SAMD8: variants seen among roughly 807,000 people sequenced by gnomAD.
The protein encoded by SAMD8 is sterile alpha motif domain containing 8, also known as sphingomyelin synthase-related protein 1.
In SAMD8, 20 loss-of-function variants were observed where a neutral mutation model predicts 42.0. The ratio of observed to expected loss-of-function variants is 0.48; its 90% CI spans 0.34 to 0.69. SAMD8 has a LOEUF of 0.69. Ranked by LOEUF, SAMD8 falls within the 30% of genes least tolerant of loss-of-function variation. The pLI, the probability that SAMD8 is intolerant of heterozygous loss-of-function variation, is 0.01. For synonymous variants in SAMD8, 162 were observed against 173.0 expected (o/e 0.94, Z 0.50); for missense variants, 328 against 511.6 (o/e 0.64, Z 3.46).
intron 1 of SAMD8, among the ~76,000 whole-genome samples, chr10:75,104,531 G>T (rs1297072545): frequency 1.3e-5 from 2 of 152,192 alleles, no homozygotes; most frequent in Non-Finnish European, 2.9e-5. Flanking sequence ...GGCTGAGGGA[G>T]AAGGGTGACT....
intron 1 of SAMD8, among the ~76,000 whole-genome samples, chr10:75,102,852 T>C (rs1481866356): frequency 1.3e-5 from 2 of 152,130 alleles, no homozygotes; most frequent in African/African-American, 2.4e-5. Context: ...CTCGGGAGCC[T>C]GAGGCAGGAG....
At chr10:75,172,999 A>G (rs867521180) in intron 4 of SAMD8, among the ~76,000 whole-genome samples, 15 of 152,322 alleles carry the variant, frequency 9.8e-5, no homozygotes, top group African/African-American at 3.1e-4. Flanking sequence ...TTCCATAGCT[A>G]AGGGATTTAA....
chr10:75,131,592 C>T (rs1849274838), intron 1 of SAMD8, among the ~76,000 whole-genome samples: 1 of 151,922 alleles, frequency 6.6e-6, no homozygotes, highest in South Asian at 2.1e-4. Context: ...AATAACTGAT[C>T]AAATTTATCT....
At chr10:75,148,824 A>G (rs941532609) in intron 1 of SAMD8, among the ~76,000 whole-genome samples, 2 of 152,178 alleles carry the variant, frequency 1.3e-5, no homozygotes, top group African/African-American at 4.8e-5. Context: ...AAGGATATTC[A>G]TTTGTATTGA....
Position 75,176,815 on chromosome 10 carries a change from C to G in SAMD8, c.*123C>G, listed in dbSNP as rs1701714725. 7.3e-6 allele frequency: 5 copies of G among 683,248 alleles called. No homozygotes were observed. The highest frequency in any genetic ancestry group is 4.8e-6 in the Non-Finnish European group (2 of 415,284). The allele number at this position is 683,248 out of a possible 1,614,324, so 42.3% of individuals were successfully genotyped here. A position where few individuals can be genotyped will look rare whatever the true frequency, so the allele number is the denominator to read the frequency against. ...TTATGTGTTGACAAAGTAAAGTTTT[C>G]TGTTCTGAGCAAAGTTATGATTATA... On this transcript the variant is annotated 3_prime_UTR_variant, in exon 6 of 6. Transcript: ENST00000542569. This position sits in a 1 kb window ranked among gnomAD's most constrained non-coding sequence, Gnocchi z 4.3.
At chr10:75,146,513 C>T (rs1381411368) in intron 1 of SAMD8, among the ~76,000 whole-genome samples, 1 of 151,886 alleles carries the variant, frequency 6.6e-6, no homozygotes, top group Non-Finnish European at 1.5e-5. Flanking sequence ...CTCAAACTCC[C>T]AACCTCAGGT....
chr10:75,122,615 A>G (rs1048914334), intron 1 of SAMD8, among the ~76,000 whole-genome samples: 44 of 149,950 alleles, frequency 2.9e-4, no homozygotes, highest in African/African-American at 1.0e-3. Context: ...TCTGTCTCAA[A>G]AAAAAAAAAA....
Position 75,176,330 on chromosome 10 carries a change from GA to G in SAMD8, c.944-57del. ...CAAAACAGCCTGACCTGAGAAACGTGACTGAGAAGCATTGGAAGGAATGTAG... is the reference window on the plus strand; with the variant it reads ...CAAAACAGCCTGACCTGAGAAACGTGCTGAGAAGCATTGGAAGGAATGTAG... On this transcript the variant is annotated intron_variant, in intron 5 of 5. Transcript: ENST00000542569. The surrounding 1 kb of genome is among the most constrained non-coding windows in gnomAD (Gnocchi z 4.3). The G allele has an allele frequency of 6.3e-7, 1 of 1,594,702 alleles. No homozygotes were observed. Among genetic ancestry groups the G allele is most frequent in the Non-Finnish European group, 8.5e-7 (1 of 1,170,340 alleles).
Position 75,180,108 on chromosome 10 carries a change from G to T in SAMD8, c.*3416G>T, listed in dbSNP as rs936911489. 1.3e-5 allele frequency: 2 copies of T among 151,124 alleles called. No individual in the cohort carries two copies. Among genetic ancestry groups the T allele is most frequent in the African/African-American group, 4.8e-5 (2 of 41,320 alleles). 9.4% of individuals were successfully genotyped at this position (151,124 alleles called of 1,614,324 possible). On this transcript the variant is annotated 3_prime_UTR_variant, in exon 6 of 6. Coordinates refer to ENST00000542569, the MANE Select transcript of SAMD8 (RefSeq NM_001174156.2). ...GAGTAAGAGGTTTTGAAGGAGGCAGGTTTGCTGTTATCACAAAATAATTTG... is the reference window on the plus strand; with the variant it reads ...GAGTAAGAGGTTTTGAAGGAGGCAGTTTTGCTGTTATCACAAAATAATTTG...
In SAMD8 at chr10:75,150,767, T is replaced by C. The variant is rs1352141464; in HGVS notation, c.239T>C (p.Ile80Thr). 3 of 1,614,126 alleles carry C rather than the reference T, an allele frequency of 1.9e-6. No individual in the cohort carries two copies. Among genetic ancestry groups the C allele is most frequent in the Non-Finnish European group, 1.7e-6 (2 of 1,180,004 alleles). The change falls in exon 2 of 6, where the codon ATT becomes ACT. Residue 80 changes from isoleucine to threonine, a missense_variant. Transcript: ENST00000542569. ...GTCCGAAAATTGCAGAAAATACATA[T>C]TGATGTTTTAGAAGAGATGGGCTAC... ...LSVRKLQKIH[I>T]DVLEEMGYNS...
chr10:75,109,749 G>A (rs1848718613), upstream of SAMD8, among the ~76,000 whole-genome samples: 1 of 152,174 alleles, frequency 6.6e-6, no homozygotes. Context: ...AGAAATATGG[G>A]TAAGAGACAT....
At position 75,182,070 on chromosome 10, in the gene SAMD8, TTTG is replaced by T. The variant is rs1406973772; in HGVS notation, c.*5383_*5385del. ...TAACTAATATATATTATTTTATATCTTTGTTGTATTAAAATGTTTAAAAACACT... is the reference window on the plus strand; with the variant it reads ...TAACTAATATATATTATTTTATATCTTTGTATTAAAATGTTTAAAAACACT... On this transcript the variant is annotated 3_prime_UTR_variant, in exon 6 of 6. Coordinates refer to ENST00000542569, the MANE Select transcript of SAMD8 (RefSeq NM_001174156.2). 6.6e-6 allele frequency: 1 copy of T among 152,358 alleles called. No homozygotes were observed. The highest frequency in any genetic ancestry group is 1.9e-4 in the East Asian group (1 of 5,194). 9.4% of individuals were successfully genotyped at this position (152,358 alleles called of 1,614,324 possible).
chr10:75,137,602 A>G (rs1839920709), intron 1 of SAMD8, among the ~76,000 whole-genome samples: 2 of 152,168 alleles, frequency 1.3e-5, no homozygotes, highest in Admixed American at 6.6e-5. Flanking sequence ...CTTGAAGCCT[A>G]AGTGAAATGA....
At chr10:75,145,225 G>A (rs752101547) in intron 1 of SAMD8, among the ~76,000 whole-genome samples, 2 of 152,160 alleles carry the variant, frequency 1.3e-5, no homozygotes, top group African/African-American at 2.4e-5. Context: ...GATTACAGGC[G>A]TGAGCCACCA....
intron 2 of SAMD8, among the ~76,000 whole-genome samples, chr10:75,151,554 G>A (rs755215015): frequency 3.3e-5 from 5 of 151,918 alleles, no homozygotes; most frequent in African/African-American, 9.7e-5. Context: ...GAGTCCCACC[G>A]TGTTGCCCAG....
intron 2 of SAMD8, among the ~76,000 whole-genome samples, chr10:75,161,182 G>A (rs1047185891): frequency 2.0e-5 from 3 of 152,176 alleles, no homozygotes; most frequent in African/African-American, 7.2e-5. Flanking sequence ...ACCGTGTCCA[G>A]ATGAGAACAG....
chr10:75,164,488 G>C (rs558065153), intron 2 of SAMD8, 157 bp from the exon 3 acceptor site: 1 of 982,762 alleles, frequency 1.0e-6, no homozygotes, highest in South Asian at 4.7e-5. Flanking sequence ...TTATGACACA[G>C]ATTTTTTCTC....
In SAMD8 at chr10:75,176,061, C is replaced by G; in HGVS notation, c.793-5C>G. 1 of 1,608,120 alleles carries G rather than the reference C, an allele frequency of 6.2e-7. No individual in the cohort carries two copies. The highest frequency in any genetic ancestry group is 1.1e-5 in the South Asian group (1 of 90,292). On this transcript the variant is annotated splice_region_variant and splice_polypyrimidine_tract_variant and intron_variant, in intron 4 of 5. Coordinates refer to ENST00000542569, the MANE Select transcript of SAMD8 (RefSeq NM_001174156.2). This position sits in a 1 kb window ranked among gnomAD's most constrained non-coding sequence, Gnocchi z 4.3. ...GAAGCACTAATTCATAACTTTTCTTCATAGATATATGGCAGTGTATGGGAG... is the reference window on the plus strand; with the variant it reads ...GAAGCACTAATTCATAACTTTTCTTGATAGATATATGGCAGTGTATGGGAG...
In SAMD8 at chr10:75,151,005, T is replaced by G; in HGVS notation, c.477T>G (p.Val159=). The change falls in exon 2 of 6, where the codon GTT becomes GTG. Residue 159 remains valine, a synonymous_variant. Coordinates refer to ENST00000542569, the MANE Select transcript of SAMD8 (RefSeq NM_001174156.2). ...YWKTILSCIY[V]FIVFGFTSFI... ...AGACTATACTGAGTTGTATATATGTTTTTATAGTATTTGGATTTACATCTT... is the reference window on the plus strand; with the variant it reads ...AGACTATACTGAGTTGTATATATGTGTTTATAGTATTTGGATTTACATCTT... 1 of 1,608,700 alleles carries G rather than the reference T, an allele frequency of 6.2e-7. No homozygotes were observed. Among genetic ancestry groups the G allele is most frequent in the South Asian group, 1.1e-5 (1 of 89,838 alleles).
Sources: gnomAD v4.1 joint callset for allele counts (sites outside exome capture counted in the v4.1 genomes callset) on GRCh38, gnomAD v4.1.1 for gene constraint, Gnocchi (gnomAD v3.1) non-coding constraint, MANE v1.5 for transcripts, NCBI Gene and HGNC (gene_info 2026-07-23, HGNC 2026-07-21) for gene names.